The following PLCH1 variants were observed in gnomAD, a reference collection of about 807,000 sequenced individuals.
PLCH1 encodes the protein 1-phosphatidylinositol 4,5-bisphosphate phosphodiesterase eta-1.
Under a neutral mutation model 126.7 loss-of-function variants are expected in PLCH1, and 60 were observed. The observed-to-expected ratio is 0.47, with a 90% CI of 0.38 to 0.59. The LOEUF is 0.59. Among genes scored for constraint, PLCH1 ranks in the 20% least tolerant of loss-of-function variants. PLCH1 has a pLI of 0.00. For missense variants in PLCH1, 1,723 were observed against 2,040.0 expected, an observed-to-expected ratio of 0.84 and a Z score of 2.99; for synonymous variants, 719 against 734.9, an observed-to-expected ratio of 0.98 and a Z score of 0.35.
At chr3:155,567,776 T>C (rs775098043) in intron 7 of PLCH1, among the ~76,000 whole-genome samples, 21 of 152,222 alleles carry the variant, frequency 1.4e-4, no homozygotes, top group Non-Finnish European at 2.6e-4. Context: ...AGTCATTGTA[T>C]TAATGAGATT....
chr3:155,631,902 C>CTTT (rs60843505), intron 2 of PLCH1, among the ~76,000 whole-genome samples: 11 of 140,840 alleles, frequency 7.8e-5, no homozygotes, highest in Non-Finnish European at 6.2e-5. Flanking sequence ...ACAAGAACTC[C>CTTT]TTTTTTTTTT....
intron 1 of PLCH1, among the ~76,000 whole-genome samples, chr3:155,715,572 T>A (rs1747439034): frequency 6.6e-6 from 1 of 151,820 alleles, no homozygotes; most frequent in African/African-American, 2.4e-5. Flanking sequence ...CCCAAAGTGC[T>A]ATGTTTATAG....
chr3:155,571,801 T>G (rs1729265068), intron 6 of PLCH1, among the ~76,000 whole-genome samples: 1 of 152,260 alleles, frequency 6.6e-6, no homozygotes, highest in African/African-American at 2.4e-5. Flanking sequence ...TTTAACATAA[T>G]AATAAGATCT....
chr3:155,724,192 T>G (rs1041559386), intron 1 of PLCH1, among the ~76,000 whole-genome samples: 3 of 152,212 alleles, frequency 2.0e-5, no homozygotes, highest in Non-Finnish European at 2.9e-5. Flanking sequence ...ATGTCCTATG[T>G]GCTGAGTATA....
At chr3:155,713,341 G>C (rs1747283224) in intron 1 of PLCH1, among the ~76,000 whole-genome samples, 2 of 152,188 alleles carry the variant, frequency 1.3e-5, no homozygotes, top group Non-Finnish European at 2.9e-5. Flanking sequence ...GGAGCCTCTG[G>C]AGTGTATAGA....
At chr3:155,575,618 A>C (rs1263349967) in intron 6 of PLCH1, among the ~76,000 whole-genome samples, 5 of 152,200 alleles carry the variant, frequency 3.3e-5, no homozygotes, top group African/African-American at 1.2e-4. Flanking sequence ...TTTGACTTAC[A>C]ATAAAGGTAG....
At chr3:155,542,965 C>T (rs189887488) in intron 10 of PLCH1, among the ~76,000 whole-genome samples, 11 of 152,282 alleles carry the variant, frequency 7.2e-5, no homozygotes, top group Admixed American at 2.6e-4. Flanking sequence ...ACTGGAAACT[C>T]TAAAAAGCAG....
chr3:155,729,738 C>A (rs1319117625), intron 1 of PLCH1, among the ~76,000 whole-genome samples: 3 of 152,058 alleles, frequency 2.0e-5, no homozygotes, highest in Non-Finnish European at 4.4e-5. Context: ...GCCTAAGTGA[C>A]ATGGTGAAAC....
intron 1 of PLCH1, among the ~76,000 whole-genome samples, chr3:155,708,049 C>T (rs757307456): frequency 2.6e-4 from 40 of 152,130 alleles, no homozygotes; most frequent in Non-Finnish European, 5.3e-4. Flanking sequence ...TTACTGAGAA[C>T]CTACTATGCA....
At chr3:155,532,885 T>C (rs992976168) in intron 10 of PLCH1, among the ~76,000 whole-genome samples, 1 of 152,194 alleles carries the variant, frequency 6.6e-6, no homozygotes, top group African/African-American at 2.4e-5. Flanking sequence ...AACTGTGGAA[T>C]TGACTTTGGA....
intron 10 of PLCH1, among the ~76,000 whole-genome samples, chr3:155,548,596 C>G (rs1266021074): frequency 3.3e-5 from 5 of 152,194 alleles, no homozygotes; most frequent in African/African-American, 1.2e-4. Context: ...ATCCTGACTG[C>G]TGACTAAAGA....
chr3:155,489,100 G>A (rs1172881227), intron 19 of PLCH1, among the ~76,000 whole-genome samples: 2 of 152,154 alleles, frequency 1.3e-5, no homozygotes, highest in Admixed American at 6.5e-5. Flanking sequence ...GCTTCAATAA[G>A]TTAAAAAATT....
At chr3:155,524,043 A>G in intron 10 of PLCH1, 39 bp from the exon 11 acceptor site, 1 of 1,225,446 alleles carries the variant, frequency 8.2e-7, no homozygotes, top group Non-Finnish European at 1.2e-6. Context: ...AAATGAGAAT[A>G]AATTCACAAT....
chr3:155,612,961 G>A (rs532487682), intron 2 of PLCH1, among the ~76,000 whole-genome samples: 5 of 124,558 alleles, frequency 4.0e-5, no homozygotes, highest in African/African-American at 9.8e-5. Flanking sequence ...GAAACAAAAC[G>A]AGAGATATTA....
At chr3:155,641,191 C>T (rs924911729) in intron 2 of PLCH1, among the ~76,000 whole-genome samples, 3 of 147,428 alleles carry the variant, frequency 2.0e-5, no homozygotes, top group Non-Finnish European at 3.0e-5. Context: ...TGATTTTCAA[C>T]GTTAAAAAAA....
At chr3:155,615,459 A>T (rs1281961589) in intron 2 of PLCH1, among the ~76,000 whole-genome samples, 1 of 152,226 alleles carries the variant, frequency 6.6e-6, no homozygotes, top group Non-Finnish European at 1.5e-5. Context: ...AATAGAAGTC[A>T]TTATATGAAA....
Position 155,480,996 on chromosome 3 carries a change from G to T in PLCH1, c.5030C>A (p.Pro1677Gln). 1 of 1,591,002 alleles carries T rather than the reference G, an allele frequency of 6.3e-7. No homozygotes were observed. The highest frequency in any genetic ancestry group is 8.6e-7 in the Non-Finnish European group (1 of 1,164,390). The change falls in exon 23 of 23, where the codon CCA becomes CAA. Residue 1677 changes from proline to glutamine, a missense_variant. Transcript: ENST00000460012. ...LQTEPSSDDK[P>Q]EIYFLLRL ...CAGTCTCAAAAGAAAATAAATTTCT[G>T]GTTTATCATCACTGCTTGGCTCAGT...
intron 2 of PLCH1, among the ~76,000 whole-genome samples, chr3:155,641,833 A>AT (rs1018124222): frequency 8.5e-5 from 13 of 152,186 alleles, no homozygotes; most frequent in Admixed American, 3.3e-4. Flanking sequence ...CTCAAAAAAA[A>AT]CCCAAAGGCT....
At chr3:155,545,413 A>G (rs1725108782) in intron 10 of PLCH1, among the ~76,000 whole-genome samples, 4 of 148,962 alleles carry the variant, frequency 2.7e-5, no homozygotes, top group Non-Finnish European at 6.0e-5. Context: ...ACCAACCAAA[A>G]AGAGTCCAGG....
Sources: gnomAD v4.1 joint callset for allele counts (sites outside exome capture counted in the v4.1 genomes callset) on GRCh38, gnomAD v4.1.1 for gene constraint, MANE v1.5 for transcripts, NCBI Gene and HGNC (gene_info 2026-07-23, HGNC 2026-07-21) for gene names.